The following MAPK10 variants were observed in gnomAD, a reference collection of about 807,000 sequenced individuals.
MAPK10 encodes the protein mitogen-activated protein kinase 10.
In MAPK10, 25 loss-of-function variants were observed where a neutral mutation model predicts 59.3. The ratio of observed to expected loss-of-function variants is 0.42; its 90% CI spans 0.31 to 0.59. The LOEUF (loss-of-function observed/expected upper bound fraction) is 0.59. MAPK10 is among the 20% of genes least tolerant of loss of function. MAPK10 has a pLI of 0.15. For synonymous variants in MAPK10, 190 were observed against 200.5 expected (o/e 0.95, Z 0.44); for missense variants, 351 against 568.9 (o/e 0.62, Z 3.90).
intron 8 of MAPK10, chr4:86,099,618 G>C (rs1003811956): frequency 6.6e-6 from 1 of 152,184 alleles, no homozygotes; most frequent in African/African-American, 2.4e-5. Context: ...CATGGACTTA[G>C]AGAAGTCAAA....
At chr4:86,150,827 A>C (rs992329111) in intron 4 of MAPK10, among the ~76,000 whole-genome samples, 2 of 152,098 alleles carry the variant, frequency 1.3e-5, no homozygotes, top group African/African-American at 4.8e-5. Flanking sequence ...GCACTACTGC[A>C]CTCCAGCCTG....
chr4:86,397,093 A>AG (rs1261389765), intron 1 of MAPK10, among the ~76,000 whole-genome samples: 1 of 152,136 alleles, frequency 6.6e-6, no homozygotes, highest in Non-Finnish European at 1.5e-5. Context: ...AGAATGAGGT[A>AG]GAAAAAAAAA....
At chr4:86,299,904 T>C (rs2148842138) in intron 2 of MAPK10, among the ~76,000 whole-genome samples, 1 of 152,204 alleles carries the variant, frequency 6.6e-6, no homozygotes, top group South Asian at 2.1e-4. Flanking sequence ...TCTTTTTTTG[T>C]TTTTTTGAGA....
rs569056256 is a variant in MAPK10 at position 86,231,034 on chromosome 4, T to G, written c.-6-36627A>C. ...TGAACATTTTATCAGAAAATATGAA[T>G]TGATAAGCATTAGAATCTTCAGCCA... On this transcript the variant is annotated intron_variant, in intron 2 of 13. Coordinates refer to ENST00000641462, the MANE Select transcript of MAPK10 (RefSeq NM_138982.4). 7.2e-5 allele frequency among the ~76,000 whole-genome samples: 11 copies of G among 152,324 alleles called. No individual in the cohort carries two copies. The East Asian group carries it at 2.1e-3, about 29-fold the overall frequency.
chr4:86,116,120 T>G (rs2149101275), intron 4 of MAPK10, among the ~76,000 whole-genome samples: 1 of 152,340 alleles, frequency 6.6e-6, no homozygotes, highest in South Asian at 2.1e-4. Flanking sequence ...TAGCTGAAAT[T>G]ATTAAAATAT....
At chr4:86,266,354 C>A (rs902881562) in intron 2 of MAPK10, among the ~76,000 whole-genome samples, 1 of 152,170 alleles carries the variant, frequency 6.6e-6, no homozygotes, top group Non-Finnish European at 1.5e-5. Context: ...AGTTATTCAA[C>A]AATCAGTACT....
chr4:86,341,411 C>T (rs911959801), intron 2 of MAPK10, among the ~76,000 whole-genome samples: 1 of 152,166 alleles, frequency 6.6e-6, no homozygotes, highest in East Asian at 1.9e-4. Flanking sequence ...CAGAAACATA[C>T]TGATATAGAT....
chr4:86,424,640 A>G (rs1032172379), intron 1 of MAPK10, among the ~76,000 whole-genome samples: 3 of 152,020 alleles, frequency 2.0e-5, no homozygotes, highest in African/African-American at 7.3e-5. Flanking sequence ...CTCTTGAATC[A>G]TGCATGGTCT....
chr4:86,107,671 G>T, intron 4 of MAPK10: 1 of 1,001,030 alleles, frequency 1.0e-6, no homozygotes, highest in Non-Finnish European at 1.2e-6. Flanking sequence ...TGAGTGGGTG[G>T]AATAAAGAAG....
intron 1 of MAPK10, among the ~76,000 whole-genome samples, chr4:86,476,702 A>G (rs1474780517): frequency 1.3e-5 from 2 of 152,186 alleles, no homozygotes; most frequent in African/African-American, 4.8e-5. Flanking sequence ...GTACAATAAT[A>G]GAGTAGAGGC....
intron 2 of MAPK10, among the ~76,000 whole-genome samples, chr4:86,228,403 G>A (rs978357787): frequency 2.6e-5 from 4 of 152,312 alleles, no homozygotes; most frequent in South Asian, 2.1e-4. Flanking sequence ...TAAATGTCGT[G>A]TATCACAATA....
intron 2 of MAPK10, among the ~76,000 whole-genome samples, chr4:86,203,123 T>C (rs2083022928): frequency 6.6e-6 from 1 of 151,842 alleles, no homozygotes; most frequent in Non-Finnish European, 1.5e-5. Context: ...GAGATGCTAA[T>C]TTAGGGAGTT....
chr4:86,490,633 C>T (rs1754385523), intron 1 of MAPK10, among the ~76,000 whole-genome samples: 1 of 152,232 alleles, frequency 6.6e-6, no homozygotes, highest in African/African-American at 2.4e-5. Context: ...TCCAGCCCAG[C>T]TTCTGCACAC....
chr4:86,485,372 C>CT (rs1753911439), intron 1 of MAPK10, among the ~76,000 whole-genome samples: 3 of 152,216 alleles, frequency 2.0e-5, no homozygotes, highest in Admixed American at 2.0e-4. Flanking sequence ...GTCAGACTCC[C>CT]TCAGTTGACT....
intron 2 of MAPK10, among the ~76,000 whole-genome samples, chr4:86,269,582 T>G (rs888821233): frequency 2.6e-5 from 4 of 152,110 alleles, no homozygotes. Context: ...CTCGCCTCTA[T>G]CCAGCCTCCT....
intron 2 of MAPK10, among the ~76,000 whole-genome samples, chr4:86,239,612 C>G (rs1229694022): frequency 1.3e-5 from 2 of 151,950 alleles, no homozygotes; most frequent in Non-Finnish European, 2.9e-5. Context: ...TCTGTTTCTT[C>G]TAGATTTTCT....
At chr4:86,354,475 G>A (rs1733386493) in intron 2 of MAPK10, 55 bp downstream of exon 2, 1 of 700,520 alleles carries the variant, frequency 1.4e-6, no homozygotes, top group South Asian at 7.3e-5. Context: ...TATTTAAATT[G>A]GCTATATAGA....
Position 86,049,312 on chromosome 4 carries a change from T to A in MAPK10, c.1110+14954A>T, listed in dbSNP as rs570068110. ...AGAAACAAATACAGTCATAAAGAACTATATTCTAATAATAAGGCGTTACCA... is the reference window on the plus strand; with the variant it reads ...AGAAACAAATACAGTCATAAAGAACAATATTCTAATAATAAGGCGTTACCA... On this transcript the variant is annotated intron_variant, in intron 11 of 13. Transcript: ENST00000641462. 2.6e-5 allele frequency among the ~76,000 whole-genome samples: 4 copies of A among 152,204 alleles called. No individual in the cohort carries two copies. In the South Asian group the frequency reaches 8.3e-4, roughly 32 times the overall value.
intron 1 of MAPK10, among the ~76,000 whole-genome samples, chr4:86,590,187 T>C (rs554958119): frequency 6.6e-6 from 1 of 152,174 alleles, no homozygotes; most frequent in South Asian, 2.1e-4. Context: ...AGATGAGTAA[T>C]ATCCTTTGGA....
Sources: allele counts gnomAD v4.1 joint callset (sites outside exome capture counted in the v4.1 genomes callset), GRCh38; gene constraint gnomAD v4.1.1; transcripts MANE v1.5; gene names NCBI Gene and HGNC (gene_info 2026-07-23, HGNC 2026-07-21).